The following REXO1 variants were observed in gnomAD, a reference collection of about 807,000 sequenced individuals.
The protein encoded by REXO1 is REX1, RNA exonuclease 1 homolog.
A neutral mutation model predicts 102.6 loss-of-function variants in REXO1; 42 were observed. That is an observed-to-expected ratio of 0.41 (90% CI 0.32 to 0.53). REXO1 has a LOEUF of 0.53. Among genes scored for constraint, REXO1 ranks in the 20% least tolerant of loss-of-function variants. The probability of loss-of-function intolerance (pLI) is 0.27; values close to 1 mark genes in which losing one functional copy is unlikely to be tolerated. For synonymous variants in REXO1, 908 were observed against 779.1 expected (o/e 1.17, Z -2.76); for missense variants, 1,819 against 1,732.5 (o/e 1.05, Z -0.89).
chr19:1,819,696 G>A lies in REXO1; in HGVS notation c.2650+238C>T, dbSNP rs560624036. On this transcript the variant is annotated intron_variant, in intron 7 of 15. Coordinates refer to ENST00000170168, the MANE Select transcript of REXO1 (RefSeq NM_020695.4). ...CCATTAGCAGGCGGCCCCTCGGCTC[G>A]GCTTGGAGACCCCACTCAGCGGAGG... is the stretch of plus-strand genomic sequence containing the variant. 3.8e-3 allele frequency among the ~76,000 whole-genome samples: 572 copies of A among 152,324 alleles called. 10 individuals carry two copies. Among genetic ancestry groups the A allele is most frequent in the Non-Finnish European group, 1.6e-3 (108 of 68,020 alleles).
chr19:1,836,002 G>C (rs538684562), intron 1 of REXO1, among the ~76,000 whole-genome samples: 2 of 152,350 alleles, frequency 1.3e-5, no homozygotes, highest in East Asian at 3.9e-4. Flanking sequence ...GGATGACAAA[G>C]ATGATATTTC....
rs747107364 is a variant in REXO1 at position 1,827,425 on chromosome 19, G to C, written c.1364C>G (p.Ala455Gly). The C allele has an allele frequency of 1.1e-5, 17 of 1,550,250 alleles. No individual in the cohort carries two copies. Among genetic ancestry groups the C allele is most frequent in the Non-Finnish European group, 1.5e-5 (17 of 1,158,614 alleles). Residue 455 changes from alanine (A) to glycine (G), a missense_variant, in exon 2 of 16, where the codon GCG (alanine) becomes GGG (glycine). Ala to Gly is a moderately conservative substitution (Grantham distance 60, BLOSUM62 0). Transcript: ENST00000170168. ...TSGKGRPDRPARRPSPTSGDS... is the reference protein window; with the variant it reads ...TSGKGRPDRPGRRPSPTSGDS... ...CCCGCTTGTGGGGCTCGGCCGCCGC[G>C]CTGGCCGGTCAGGCCTCCCTTTCCC...
chr19:1,825,855 G>A lies in REXO1; in HGVS notation c.2000C>T (p.Ser667Phe). The change falls in exon 3 of 16, where the codon TCC (serine) becomes TTC (phenylalanine). Residue 667 changes from serine to phenylalanine, a missense_variant. Ser to Phe is a radical substitution (Grantham distance 155). Coordinates refer to ENST00000170168, the MANE Select transcript of REXO1 (RefSeq NM_020695.4). ...GGACCTTACCTCCTGGCCTTGCTTG[G>A]AAAGGTGGGAGATCCTCCTCTTCTG... ...PGQKRRISHL[S>F]KQGQEVEPPR... The A allele has an allele frequency of 6.2e-7, 1 of 1,612,362 alleles. No homozygotes were observed. The highest frequency in any genetic ancestry group is 8.5e-7 in the Non-Finnish European group (1 of 1,179,080).
At chr19:1,830,272 G>C (rs1390292311) in intron 1 of REXO1, among the ~76,000 whole-genome samples, 2 of 152,236 alleles carry the variant, frequency 1.3e-5, no homozygotes, top group Non-Finnish European at 2.9e-5. Context: ...ACTTTGGGAG[G>C]CTGAGGCGGG....
At chr19:1,817,123 C>T (rs981862623) in intron 12 of REXO1, 96 bp downstream of exon 12, 9 of 974,330 alleles carry the variant, frequency 9.2e-6, no homozygotes, top group South Asian at 1.7e-5. Flanking sequence ...GAGCGCTGGC[C>T]GGTGAGCCAG....
intron 3 of REXO1, among the ~76,000 whole-genome samples, chr19:1,825,574 C>T (rs1427555093): frequency 2.0e-5 from 3 of 151,722 alleles, no homozygotes; most frequent in Non-Finnish European, 4.4e-5. Flanking sequence ...CTCCTGAGTT[C>T]AAGCGATTCT....
chr19:1,816,776 G>A lies in REXO1; in HGVS notation c.3239C>T (p.Thr1080Met). ...CACGTGCACGTCCGTGTCGACCACC[G>A]TGACGCGCGTCAGCTCCAGGCCATA... ...TTYGLELTRVTVVDTDVHVVY... is the reference protein window; with the variant it reads ...TTYGLELTRVMVVDTDVHVVY... Residue 1080 changes from threonine to methionine, a missense_variant, in exon 13 of 16, where the codon ACG (threonine) becomes ATG (methionine). Coordinates refer to ENST00000170168, the MANE Select transcript of REXO1 (RefSeq NM_020695.4). 6.2e-7 allele frequency: 1 copy of A among 1,612,828 alleles called. No individual in the cohort carries two copies. Among genetic ancestry groups the A allele is most frequent in the Non-Finnish European group, 8.5e-7 (1 of 1,179,918 alleles).
Position 1,829,543 on chromosome 19 carries a change from G to T in REXO1, c.158-912C>A, listed in dbSNP as rs140762087. On this transcript the variant is annotated intron_variant, in intron 1 of 15. Transcript: ENST00000170168. Reference sequence around the variant, plus strand: ...ACTTTTTGTAGCTGGGCGCGGTGGCGCACGCCTGTAATCCCAACATTTTGG... The same window carrying T: ...ACTTTTTGTAGCTGGGCGCGGTGGCTCACGCCTGTAATCCCAACATTTTGG... 1.7e-3 allele frequency among the ~76,000 whole-genome samples: 256 copies of T among 152,248 alleles called. 1 individual carries two copies. The highest frequency in any genetic ancestry group is 6.0e-3 in the African/African-American group (249 of 41,546).
intron 1 of REXO1, among the ~76,000 whole-genome samples, chr19:1,840,915 G>A (rs1014918540): frequency 2.6e-5 from 4 of 152,206 alleles, no homozygotes; most frequent in Non-Finnish European, 5.9e-5. Context: ...AGCTCGTCCC[G>A]AGTCCTCCCC....
At chr19:1,848,114 G>T in intron 1 of REXO1, 88 bp downstream of exon 1, 2 of 663,128 alleles carry the variant, frequency 3.0e-6, no homozygotes. Flanking sequence ...AGGCTGGGCC[G>T]AGAACGGGGA....
At chr19:1,844,658 G>A (rs1021878470) in intron 1 of REXO1, among the ~76,000 whole-genome samples, 2 of 152,160 alleles carry the variant, frequency 1.3e-5, no homozygotes, top group African/African-American at 4.8e-5. Context: ...CTGGGACGCC[G>A]CCAACAGCCC....
chr19:1,846,248 C>T (rs1280951737), intron 1 of REXO1, among the ~76,000 whole-genome samples: 2 of 152,154 alleles, frequency 1.3e-5, no homozygotes, highest in Non-Finnish European at 2.9e-5. Context: ...GGACATGGGA[C>T]ATGCATCCCC....
intron 1 of REXO1, among the ~76,000 whole-genome samples, chr19:1,834,206 G>A (rs983591009): frequency 4.6e-5 from 7 of 152,134 alleles, no homozygotes; most frequent in African/African-American, 1.7e-4. Context: ...AGACACCCGC[G>A]AGCCCTTCCC....
At position 1,847,012 on chromosome 19, in the gene REXO1, G is replaced by A. The variant is rs542239782; in HGVS notation, c.157+1190C>T. Among the ~76,000 whole-genome samples, 32 of 152,294 alleles carry A rather than the reference G, an allele frequency of 2.1e-4. No individual in the cohort carries two copies. In the South Asian group the frequency reaches 5.6e-3, roughly 27 times the overall value. The stretch of plus-strand genomic sequence containing the variant: ...CGCCAAAGCCGGCTGCGTGCTCCCA[G>A]GACATCACGACCTATGCTACGGGAT... On this transcript the variant is annotated intron_variant, in intron 1 of 15. Transcript: ENST00000170168.
chr19:1,819,448 C>T (rs542328258), intron 7 of REXO1, among the ~76,000 whole-genome samples: 7 of 151,872 alleles, frequency 4.6e-5, no homozygotes, highest in South Asian at 2.1e-4. Flanking sequence ...TAATGGCTTT[C>T]GAGGGCTTTG....
At chr19:1,846,458 C>A (rs2011544732) in intron 1 of REXO1, among the ~76,000 whole-genome samples, 1 of 152,196 alleles carries the variant, frequency 6.6e-6, no homozygotes. Context: ...AATGCAGACA[C>A]GCCATGGTAA....
rs1055539081 is a variant in REXO1 at position 1,826,032 on chromosome 19, G to A, written c.1912-89C>T. 5 of 902,080 alleles carry A rather than the reference G, an allele frequency of 5.5e-6. No individual in the cohort carries two copies. Among genetic ancestry groups the A allele is most frequent in the Admixed American group, 1.9e-5 (1 of 52,484 alleles). The allele number at this position is 902,080 out of a possible 1,614,324, so 55.9% of individuals were successfully genotyped here. On this transcript the variant is annotated intron_variant, in intron 2 of 15. Transcript: ENST00000170168. This position sits in a 1 kb window ranked among gnomAD's most constrained non-coding sequence, Gnocchi z 4.3. ...CCTCAAACTGCCCCCGGCAAGTGGG[G>A]AATGGAACAGTCCAGCCCCCAGGCA...
Position 1,816,286 on chromosome 19 carries a change from G to A in REXO1, c.3516C>T (p.Pro1172=), listed in dbSNP as rs781310883. ...TGAGGTTCCGCAGGGACCGCTTGTA[G>A]GGGAGGCCCAGGCGGTGGGGGAAGA... ...SVLFPHRLGL[P]YKRSLRNLMA... is the part of the protein sequence containing the mutation. The change falls in exon 15 of 16, where the codon CCC becomes CCT. Residue 1172 remains proline (P), a synonymous_variant. Coordinates refer to ENST00000170168, the MANE Select transcript of REXO1 (RefSeq NM_020695.4). The A allele has an allele frequency of 2.5e-6, 4 of 1,589,020 alleles. No homozygotes were observed. The highest frequency in any genetic ancestry group is 2.7e-5 in the African/African-American group (2 of 74,428).
chr19:1,827,098 T>A lies in REXO1; in HGVS notation c.1691A>T (p.Gln564Leu). 1.4e-5 allele frequency: 21 copies of A among 1,541,180 alleles called. No homozygotes were observed. The highest frequency in any genetic ancestry group is 1.7e-5 in the Non-Finnish European group (20 of 1,145,410). The change falls in exon 2 of 16, where the codon CAG becomes CTG. Residue 564 changes from glutamine (Q) to leucine (L), a missense_variant. Gln to Leu is a moderately radical substitution (Grantham distance 113). Transcript: ENST00000170168. ...SDSSLGFPEA[Q>L]GPPKRLKASP... ...GGCCTTGAGCCGCTTGGGCGGCCCC[T>A]GCGCCTCCGGGAAGCCCAGGCTGGA...
Sources: gnomAD v4.1 joint callset for allele counts (sites outside exome capture counted in the v4.1 genomes callset) on GRCh38, gnomAD v4.1.1 for gene constraint, Gnocchi (gnomAD v3.1) non-coding constraint, MANE v1.5 for transcripts, NCBI Gene and HGNC (gene_info 2026-07-23, HGNC 2026-07-21) for gene names.